Variants in FBXW7 observed in about 807,000 individuals in gnomAD.
FBXW7 encodes the protein F-box and WD repeat domain containing 7, also known as F-box/WD repeat-containing protein 7.
Under a neutral mutation model 86.3 loss-of-function variants are expected in FBXW7, and 11 were observed. The ratio of observed to expected loss-of-function variants is 0.13; its 90% CI spans 0.08 to 0.21. The LOEUF is 0.21. Among genes scored for constraint, FBXW7 ranks in the 10% least tolerant of loss-of-function variants. The pLI, the probability that FBXW7 is intolerant of heterozygous loss-of-function variation, is 1.00. For synonymous variants in FBXW7, 313 were observed against 297.9 expected (o/e 1.05, Z -0.52); for missense variants, 488 against 847.4 (o/e 0.58, Z 5.27).
chr4:152,521,529 A>C (rs778810572), intron 2 of FBXW7, among the ~76,000 whole-genome samples: 2 of 152,226 alleles, frequency 1.3e-5, no homozygotes, highest in Non-Finnish European at 2.9e-5. Flanking sequence ...CATACAGAAA[A>C]TGATATGACT....
chr4:152,411,392 T>C lies in FBXW7; in HGVS notation c.412A>G (p.Thr138Ala), dbSNP rs1737949119. The change falls in exon 4 of 14, where the codon ACA becomes GCA. Residue 138 changes from threonine to alanine, a missense_variant. Physicochemically the swap from Thr to Ala is moderately conservative, Grantham distance 58. Coordinates refer to ENST00000281708, the MANE Select transcript of FBXW7 (RefSeq NM_001349798.2). Reference protein sequence around the residue: ...SDDSSREDEHTHTNSVTNSSS... With the variant: ...SDDSSREDEHAHTNSVTNSSS... ...GAGTTCGTGACACTGTTAGTATGTG[T>C]ATGTTCATCTTCTCTGCTACTATCA... The C allele has an allele frequency of 6.2e-7, 1 of 1,613,662 alleles. No homozygotes were observed. The highest frequency in any genetic ancestry group is 8.5e-7 in the Non-Finnish European group (1 of 1,179,848).
At chr4:152,439,608 G>A (rs1392115073) in intron 2 of FBXW7, among the ~76,000 whole-genome samples, 3 of 152,114 alleles carry the variant, frequency 2.0e-5, no homozygotes, top group Admixed American at 6.5e-5. Context: ...GCTCAGGCCT[G>A]TAATCCCAGC....
At chr4:152,323,678 G>GT (rs757288049) in intron 13 of FBXW7, 98 of 171,342 alleles carry the variant, frequency 5.7e-4, no homozygotes, top group Non-Finnish European at 5.2e-4. Flanking sequence ...AGGCACTGCT[G>GT]TACCTCATCT....
In FBXW7 at chr4:152,438,035, G is replaced by T. The variant is rs1399569737; in HGVS notation, c.-119-25506C>A. ...ACTAAAAATATAAAATTAGCCGGGT[G>T]TGGTGGCGGGTGCCTGTAATCCCAG... On this transcript the variant is annotated intron_variant, in intron 2 of 13. Coordinates refer to ENST00000281708, the MANE Select transcript of FBXW7 (RefSeq NM_001349798.2). Among the ~76,000 whole-genome samples the T allele has an allele frequency of 2.0e-5, 3 of 151,952 alleles. No individual in the cohort carries two copies. In the East Asian group the frequency reaches 5.8e-4, roughly 30 times the overall value.
intron 2 of FBXW7, among the ~76,000 whole-genome samples, chr4:152,483,501 A>G (rs1160871529): frequency 1.3e-5 from 2 of 152,006 alleles, no homozygotes; most frequent in Non-Finnish European, 2.9e-5. Context: ...CCAGGAGTCC[A>G]AGACCAGCCT....
chr4:152,393,999 A>T (rs1736206937), intron 4 of FBXW7, among the ~76,000 whole-genome samples: 1 of 152,134 alleles, frequency 6.6e-6, no homozygotes, highest in African/African-American at 2.4e-5. Context: ...TATATGCAAG[A>T]TGCTACCCTG....
chr4:152,402,031 TA>T (rs1380914704), intron 4 of FBXW7, among the ~76,000 whole-genome samples: 1 of 152,128 alleles, frequency 6.6e-6, no homozygotes, highest in Non-Finnish European at 1.5e-5. Flanking sequence ...AATGTAGAAA[TA>T]ATTCATGTTA....
chr4:152,401,822 C>G (rs1378555764), intron 4 of FBXW7, among the ~76,000 whole-genome samples: 1 of 152,128 alleles, frequency 6.6e-6, no homozygotes, highest in African/African-American at 2.4e-5. Context: ...TGCTGTGAAT[C>G]TAAAACTAAT....
intron 2 of FBXW7, among the ~76,000 whole-genome samples, chr4:152,427,562 G>A (rs1212879765): frequency 3.3e-5 from 5 of 152,140 alleles, no homozygotes; most frequent in African/African-American, 4.8e-5. Flanking sequence ...TTCTAAACCT[G>A]TAAAATAAGG....
chr4:152,522,021 C>T (rs944275799), intron 2 of FBXW7, among the ~76,000 whole-genome samples: 2 of 151,610 alleles, frequency 1.3e-5, no homozygotes, highest in Non-Finnish European at 2.9e-5. Flanking sequence ...CAATTTTAAA[C>T]AGTAAACAGG....
intron 2 of FBXW7, among the ~76,000 whole-genome samples, chr4:152,486,293 T>C (rs1745333992): frequency 6.6e-6 from 1 of 152,164 alleles, no homozygotes; most frequent in Non-Finnish European, 1.5e-5. Flanking sequence ...ACTACATCTA[T>C]TTTTAAACAT....
intron 2 of FBXW7, among the ~76,000 whole-genome samples, chr4:152,437,223 C>T (rs539648999): frequency 8.7e-4 from 132 of 152,188 alleles, no homozygotes; most frequent in African/African-American, 3.1e-3. Context: ...TTCCAACCCT[C>T]GTGGATGACT....
chr4:152,490,011 G>T (rs754806365), intron 2 of FBXW7, among the ~76,000 whole-genome samples: 8 of 152,064 alleles, frequency 5.3e-5, no homozygotes, highest in Non-Finnish European at 8.8e-5. Flanking sequence ...CACAAAAAAT[G>T]GAACTAGAAG....
intron 4 of FBXW7, chr4:152,352,449 G>A (rs2126660368): frequency 1.2e-6 from 2 of 1,613,546 alleles, no homozygotes; most frequent in East Asian, 2.2e-5. Context: ...ACATAGCATA[G>A]GAAGAAAACA....
At chr4:152,497,155 T>C (rs984415295) in intron 2 of FBXW7, among the ~76,000 whole-genome samples, 9 of 151,664 alleles carry the variant, frequency 5.9e-5, no homozygotes, top group Non-Finnish European at 1.5e-5. Flanking sequence ...AAATCCCATC[T>C]CTACTAAAAA....
At chr4:152,409,035 T>C (rs905051528) in intron 4 of FBXW7, among the ~76,000 whole-genome samples, 2 of 152,218 alleles carry the variant, frequency 1.3e-5, no homozygotes, top group Non-Finnish European at 2.9e-5. Flanking sequence ...CCTCAGAGTG[T>C]TGACAGTTTT....
chr4:152,320,714 T>C lies in FBXW7; in HGVS notation c.*2167A>G, dbSNP rs1007525523. On this transcript the variant is annotated 3_prime_UTR_variant, in exon 14 of 14. Transcript: ENST00000281708. The stretch of plus-strand genomic sequence containing the variant: ...TGTCAAACTTTCTTAAAGAGCAGCA[T>C]GTATTTAGTCTTTGGAAATATGGGT... 2 of 152,074 alleles carry C rather than the reference T, an allele frequency of 1.3e-5. No homozygotes were observed. The highest frequency in any genetic ancestry group is 2.4e-5 in the African/African-American group (1 of 41,420). The allele number at this position is 152,074 out of a possible 1,614,324, so 9.4% of individuals were successfully genotyped here.
At chr4:152,333,226 G>A (rs1376670707) in intron 7 of FBXW7, among the ~76,000 whole-genome samples, 1 of 151,976 alleles carries the variant, frequency 6.6e-6, no homozygotes, top group Non-Finnish European at 1.5e-5. Flanking sequence ...ATGAACTTCT[G>A]AAACACTTAC....
intron 2 of FBXW7, among the ~76,000 whole-genome samples, chr4:152,464,155 TA>T (rs1411545880): frequency 6.6e-6 from 1 of 152,136 alleles, no homozygotes; most frequent in African/African-American, 2.4e-5. Context: ...AGCTGAACAC[TA>T]GTAGAAATAA....
Sources: allele counts gnomAD v4.1 joint callset (sites outside exome capture counted in the v4.1 genomes callset), GRCh38; gene constraint gnomAD v4.1.1; transcripts MANE v1.5; gene names NCBI Gene and HGNC (gene_info 2026-07-23, HGNC 2026-07-21).